The following KCNAB1 variants were observed in gnomAD, a reference collection of about 807,000 sequenced individuals.
KCNAB1 encodes potassium voltage-gated channel subfamily A regulatory beta subunit 1.
KCNAB1 carries 35 observed loss-of-function variants against 64.6 expected under a neutral mutation model. The ratio of observed to expected loss-of-function variants is 0.54; its 90% CI spans 0.41 to 0.72. The LOEUF (loss-of-function observed/expected upper bound fraction) is 0.72, where lower values mean the gene tolerates loss of function less well. KCNAB1 is among the 30% of genes least tolerant of loss of function. The pLI is 0.00. For missense variants in KCNAB1, 401 were observed against 512.9 expected, an observed-to-expected ratio of 0.78 and a Z score of 2.11; for synonymous variants, 177 against 183.8, an observed-to-expected ratio of 0.96 and a Z score of 0.30.
At chr3:156,455,769 G>A (rs9289968) in intron 3 of KCNAB1, among the ~76,000 whole-genome samples, 22,422 of 152,014 alleles carry the variant, frequency 0.15, 2,624 homozygotes, top group African/African-American at 0.32. Flanking sequence ...TTTGTGTATC[G>A]ACTGCTTAAG....
chr3:156,143,454 A>G lies in KCNAB1; in HGVS notation c.275+22568A>G, dbSNP rs372156761. The G allele has an allele frequency of 8.6e-6, 12 of 1,402,060 alleles. No homozygotes were observed. The African/African-American group carries it at 1.3e-4, about 15-fold the overall frequency. The allele number at this position is 1,402,060 out of a possible 1,614,324, so 86.9% of individuals were successfully genotyped here. A position where few individuals can be genotyped will look rare whatever the true frequency, so the allele number is the denominator to read the frequency against. On this transcript the variant is annotated intron_variant, in intron 1 of 13. Coordinates refer to ENST00000490337, the MANE Select transcript of KCNAB1 (RefSeq NM_172160.3). The stretch of plus-strand genomic sequence containing the variant: ...GATTGCAAAGTCATCCAACCAGGGC[A>G]CTGCACTGATGTCAAAGGTTGTTAT...
At chr3:156,534,553 T>G (rs999022195) in intron 13 of KCNAB1, among the ~76,000 whole-genome samples, 4 of 152,132 alleles carry the variant, frequency 2.6e-5, no homozygotes, top group African/African-American at 7.2e-5. Context: ...CACACCTTCC[T>G]GGAATCTGAA....
At chr3:156,238,929 A>G (rs756879891) in intron 1 of KCNAB1, among the ~76,000 whole-genome samples, 2 of 152,210 alleles carry the variant, frequency 1.3e-5, no homozygotes, top group Non-Finnish European at 2.9e-5. Context: ...CCTTGACTTG[A>G]GGCTGCTAGG....
At chr3:156,349,359 G>A (rs138112506) in intron 1 of KCNAB1, among the ~76,000 whole-genome samples, 2 of 152,106 alleles carry the variant, frequency 1.3e-5, no homozygotes, top group Non-Finnish European at 2.9e-5. Context: ...AAACAGTTCA[G>A]TACAACTCCC....
intron 1 of KCNAB1, among the ~76,000 whole-genome samples, chr3:156,368,951 A>G (rs759624965): frequency 1.3e-5 from 2 of 152,170 alleles, no homozygotes; most frequent in Non-Finnish European, 2.9e-5. Context: ...TAATACGTTC[A>G]TTGATATATA....
intron 1 of KCNAB1, among the ~76,000 whole-genome samples, chr3:156,297,587 C>G (rs555291918): frequency 1.3e-5 from 2 of 152,280 alleles, no homozygotes; most frequent in African/African-American, 4.8e-5. Context: ...GCAAAAGACT[C>G]AGACCAGATA....
intron 12 of KCNAB1, 33 bp downstream of exon 12, chr3:156,523,980 G>A: frequency 5.0e-6 from 8 of 1,604,032 alleles, no homozygotes; most frequent in Non-Finnish European, 6.8e-6. Flanking sequence ...GGGTGGTAGA[G>A]GGACTTCTGC....
At chr3:156,118,855 T>C (rs1713198043), upstream of KCNAB1, among the ~76,000 whole-genome samples, 1 of 152,204 alleles carries the variant, frequency 6.6e-6, no homozygotes, top group Non-Finnish European at 1.5e-5. Context: ...GGGAGTCTAG[T>C]TGCTATGCAT....
chr3:156,298,926 C>T (rs1006218382), intron 1 of KCNAB1, among the ~76,000 whole-genome samples: 4 of 152,160 alleles, frequency 2.6e-5, no homozygotes, highest in Admixed American at 6.5e-5. Context: ...AGGCAAAAGT[C>T]CTTTAAATTT....
intron 1 of KCNAB1, among the ~76,000 whole-genome samples, chr3:156,417,411 C>G (rs1209077542): frequency 6.6e-6 from 1 of 152,206 alleles, no homozygotes; most frequent in Non-Finnish European, 1.5e-5. Flanking sequence ...CTTGCATATG[C>G]TTTCCAGCTG....
intron 7 of KCNAB1, among the ~76,000 whole-genome samples, chr3:156,472,523 G>A (rs776070096): frequency 4.6e-5 from 7 of 152,154 alleles, no homozygotes; most frequent in Non-Finnish European, 1.0e-4. Context: ...AAAGTGAGTG[G>A]ATAGTGTCCT....
At chr3:156,332,411 C>T (rs1368453526) in intron 1 of KCNAB1, among the ~76,000 whole-genome samples, 1 of 152,244 alleles carries the variant, frequency 6.6e-6, no homozygotes, top group East Asian at 1.9e-4. Context: ...CTTTAACCCT[C>T]TCAATTGTAC....
intron 4 of KCNAB1, among the ~76,000 whole-genome samples, 182 bp from the exon 5 acceptor site, chr3:156,459,645 G>A (rs1004558077): frequency 2.0e-5 from 3 of 151,886 alleles, no homozygotes; most frequent in Non-Finnish European, 4.4e-5. Context: ...GGAATGCTCC[G>A]GAGCAGGATT....
chr3:156,498,293 A>C lies in KCNAB1; in HGVS notation c.659-16071A>C, dbSNP rs1716141548. On this transcript the variant is annotated intron_variant, in intron 8 of 13. Transcript: ENST00000490337. ...AAAAATTCATCTTGCTTATGCCTGG[A>C]TATGGTTCAGCTGCGTCCCCACCCA... Among the ~76,000 whole-genome samples, 3 of 152,282 alleles carry C rather than the reference A, an allele frequency of 2.0e-5. No homozygotes were observed. In the South Asian group the frequency reaches 6.2e-4, roughly 32 times the overall value.
chr3:156,517,489 C>T (rs184702819), intron 11 of KCNAB1, among the ~76,000 whole-genome samples: 2 of 152,164 alleles, frequency 1.3e-5, no homozygotes, highest in South Asian at 2.1e-4. Flanking sequence ...AAAGATTGTT[C>T]TGAAACAAGT....
chr3:156,124,782 TATTTA>T (rs1474764172), intron 1 of KCNAB1, among the ~76,000 whole-genome samples: 6 of 152,128 alleles, frequency 3.9e-5, no homozygotes, highest in Non-Finnish European at 5.9e-5. Context: ...AATGTTGGGT[TATTTA>T]ATGAACTTTT....
intron 1 of KCNAB1, among the ~76,000 whole-genome samples, chr3:156,218,786 C>CAAAAAAAAAAAAAAAAAA (rs1228783831): frequency 1.1e-5 from 1 of 92,642 alleles, no homozygotes; most frequent in Non-Finnish European, 2.1e-5. Flanking sequence ...CCCAGAACAG[C>CAAAAAAAAAAAAAAAAAA]AAAAAAAAAA....
chr3:156,334,366 C>T (rs531403310), intron 1 of KCNAB1, among the ~76,000 whole-genome samples: 1 of 152,328 alleles, frequency 6.6e-6, no homozygotes, highest in African/African-American at 2.4e-5. Context: ...TAGAATGATG[C>T]TCCCCAACAT....
At chr3:156,459,609 C>T (rs545982253) in intron 4 of KCNAB1, among the ~76,000 whole-genome samples, 4 of 152,060 alleles carry the variant, frequency 2.6e-5, no homozygotes, top group South Asian at 2.1e-4. Context: ...CTCCTGCCAG[C>T]GTGTCAGGAT....
Sources: allele counts gnomAD v4.1 joint callset (sites outside exome capture counted in the v4.1 genomes callset), GRCh38; gene constraint gnomAD v4.1.1; transcripts MANE v1.5; gene names NCBI Gene and HGNC (gene_info 2026-07-23, HGNC 2026-07-21).